The following PPP2R2A variants were observed in gnomAD, a reference collection of about 807,000 sequenced individuals.
PPP2R2A encodes serine/threonine-protein phosphatase 2A 55 kDa regulatory subunit B alpha isoform.
A neutral mutation model predicts 53.2 loss-of-function variants in PPP2R2A; 9 were observed. That is an observed-to-expected ratio of 0.17 (90% CI 0.10 to 0.30). The LOEUF is 0.30. Among genes scored for constraint, PPP2R2A ranks in the 10% least tolerant of loss-of-function variants. The probability of loss-of-function intolerance (pLI) is 1.00; values close to 1 mark genes in which losing one functional copy is unlikely to be tolerated. For missense variants in PPP2R2A, 235 were observed against 534.6 expected, an observed-to-expected ratio of 0.44 and a Z score of 5.53; for synonymous variants, 169 against 174.2, an observed-to-expected ratio of 0.97 and a Z score of 0.23.
intron 4 of PPP2R2A, among the ~76,000 whole-genome samples, chr8:26,356,166 T>C (rs1033071323): frequency 3.9e-5 from 6 of 152,226 alleles, no homozygotes; most frequent in African/African-American, 1.4e-4. Flanking sequence ...TTCTAACACC[T>C]AGACCATAAA....
intron 6 of PPP2R2A, among the ~76,000 whole-genome samples, chr8:26,361,400 A>G (rs909150693): frequency 2.6e-5 from 4 of 152,228 alleles, no homozygotes; most frequent in African/African-American, 2.4e-5. Flanking sequence ...TATTGTATCT[A>G]TGTAAATAGG....
intron 2 of PPP2R2A, among the ~76,000 whole-genome samples, chr8:26,312,945 A>G (rs1392995186): frequency 6.6e-6 from 1 of 152,126 alleles, no homozygotes; most frequent in African/African-American, 2.4e-5. Context: ...AGGCAAATGA[A>G]CAGTTTTCTG....
At chr8:26,309,589 G>C (rs1802182156) in intron 2 of PPP2R2A, among the ~76,000 whole-genome samples, 1 of 152,172 alleles carries the variant, frequency 6.6e-6, no homozygotes, top group Admixed American at 6.5e-5. Flanking sequence ...TATCTTCTTT[G>C]AATACAGGGC....
intron 2 of PPP2R2A, among the ~76,000 whole-genome samples, chr8:26,322,591 G>GA (rs917229284): frequency 3.5e-4 from 50 of 143,200 alleles, no homozygotes; most frequent in Middle Eastern, 3.6e-3. Flanking sequence ...GACTACTTGG[G>GA]AAAAAAAAAA....
chr8:26,329,594 G>A (rs796389961), intron 2 of PPP2R2A, among the ~76,000 whole-genome samples: 12 of 152,286 alleles, frequency 7.9e-5, no homozygotes, highest in African/African-American at 2.9e-4. Context: ...CATGGGTCAA[G>A]TATGCTAGCT....
intron 3 of PPP2R2A, among the ~76,000 whole-genome samples, chr8:26,343,036 A>T (rs1804022445): frequency 1.3e-5 from 2 of 151,848 alleles, no homozygotes; most frequent in Non-Finnish European, 2.9e-5. Flanking sequence ...AAATTAGCTG[A>T]TCCTGGTGGC....
intron 2 of PPP2R2A, among the ~76,000 whole-genome samples, chr8:26,299,509 A>G (rs965497719): frequency 1.3e-5 from 2 of 152,180 alleles, no homozygotes; most frequent in Non-Finnish European, 2.9e-5. Context: ...CTTTCTGTTT[A>G]CTTTTGGTAG....
At position 26,361,019 on chromosome 8, in the gene PPP2R2A, C is replaced by A. The variant is rs747035437; in HGVS notation, c.505C>A (p.Arg169=). The change falls in exon 6 of 10, where the codon CGA becomes AGA. Residue 169 remains arginine, a synonymous_variant. Transcript: ENST00000380737. ...GGATCTAATGGTTGAGGCCAGTCCA[C>A]GAAGAATATTTGCCAATGCTCATAC... ...PMDLMVEASP[R]RIFANAHTYH... The A allele has an allele frequency of 8.7e-6, 14 of 1,607,166 alleles. No individual in the cohort carries two copies. In the Admixed American group the frequency reaches 1.9e-4, roughly 22 times the overall value.
At chr8:26,341,349 T>TA in intron 3 of PPP2R2A, among the ~76,000 whole-genome samples, 1 of 152,318 alleles carries the variant, frequency 6.6e-6, no homozygotes, top group East Asian at 1.9e-4. Context: ...ACTTGACACT[T>TA]AGAGGCACCT....
At chr8:26,333,557 AC>A (rs1175969368) in intron 2 of PPP2R2A, 1 of 1,176,794 alleles carries the variant, frequency 8.5e-7, no homozygotes, top group Non-Finnish European at 1.1e-6. Flanking sequence ...GTGCCTCACA[AC>A]ACAAGAGCTG....
At chr8:26,343,528 C>T (rs1804058539) in intron 3 of PPP2R2A, among the ~76,000 whole-genome samples, 5 of 152,014 alleles carry the variant, frequency 3.3e-5, no homozygotes, top group Admixed American at 6.6e-5. Flanking sequence ...CACACCACCA[C>T]ACCTGGCTAA....
intron 6 of PPP2R2A, among the ~76,000 whole-genome samples, chr8:26,361,427 T>C (rs1404608221): frequency 6.6e-6 from 1 of 152,212 alleles, no homozygotes; most frequent in Non-Finnish European, 1.5e-5. Context: ...TTTTATAATT[T>C]AGGTTTTTGT....
chr8:26,357,225 A>G lies in PPP2R2A; in HGVS notation c.346+2592A>G, dbSNP rs566567161. ...TCAACATCTGTTGATTCTGAGTGAT[A>G]TCTTTTATATTATTTTGTGTATTTT... On this transcript the variant is annotated intron_variant, in intron 4 of 9. Transcript: ENST00000380737. Among the ~76,000 whole-genome samples, 221 of 148,432 alleles carry G rather than the reference A, an allele frequency of 1.5e-3. 1 individual carries two copies. The highest frequency in any genetic ancestry group is 2.6e-3 in the Non-Finnish European group (177 of 67,444).
intron 8 of PPP2R2A, 88 bp from the exon 9 acceptor site, chr8:26,366,225 CTG>C: frequency 1.1e-6 from 1 of 940,976 alleles, no homozygotes; most frequent in Non-Finnish European, 1.7e-6. Flanking sequence ...GTGTATGTGT[CTG>C]TATATGCCCT....
chr8:26,312,348 G>C (rs1207333179), intron 2 of PPP2R2A, among the ~76,000 whole-genome samples: 2 of 152,196 alleles, frequency 1.3e-5, no homozygotes, highest in African/African-American at 2.4e-5. Flanking sequence ...GGTGCATTTA[G>C]GTCTTGTGGG....
At chr8:26,345,799 C>G (rs1345494374) in intron 3 of PPP2R2A, among the ~76,000 whole-genome samples, 1 of 152,024 alleles carries the variant, frequency 6.6e-6, no homozygotes, top group Non-Finnish European at 1.5e-5. Context: ...TACTTTACGC[C>G]TTAATACTCC....
chr8:26,310,991 T>C (rs1192864271), intron 2 of PPP2R2A, among the ~76,000 whole-genome samples: 2 of 152,200 alleles, frequency 1.3e-5, no homozygotes, highest in Non-Finnish European at 2.9e-5. Context: ...AGAAATAATT[T>C]GGGTCTGTAT....
rs1185644956 is a variant in PPP2R2A at position 26,359,066 on chromosome 8, C to G, written c.347-1103C>G. On this transcript the variant is annotated intron_variant, in intron 4 of 9. Coordinates refer to ENST00000380737, the MANE Select transcript of PPP2R2A (RefSeq NM_002717.4). ...TGTTGATACCATGTATCCCTTTGAACAATGCTGTGAGAAGTCACTTCATCT... is the reference window on the plus strand; with the variant it reads ...TGTTGATACCATGTATCCCTTTGAAGAATGCTGTGAGAAGTCACTTCATCT... 5.0e-5 allele frequency: 20 copies of G among 398,000 alleles called. No homozygotes were observed. The Admixed American group carries it at 5.1e-4, about 10-fold the overall frequency. The allele number at this position is 398,000 out of a possible 1,614,324, so 24.7% of individuals were successfully genotyped here. A position where few individuals can be genotyped will look rare whatever the true frequency, so the allele number is the denominator to read the frequency against.
At chr8:26,314,768 T>G (rs973506175) in intron 2 of PPP2R2A, among the ~76,000 whole-genome samples, 1 of 152,128 alleles carries the variant, frequency 6.6e-6, no homozygotes, top group African/African-American at 2.4e-5. Context: ...CTCGTACTCA[T>G]TGGACCCTTG....
Sources: allele counts gnomAD v4.1 joint callset (sites outside exome capture counted in the v4.1 genomes callset), GRCh38; gene constraint gnomAD v4.1.1; transcripts MANE v1.5; gene names NCBI Gene and HGNC (gene_info 2026-07-23, HGNC 2026-07-21).